Variants in PPARGC1B observed in about 807,000 individuals in gnomAD.
PPARGC1B encodes the protein peroxisome proliferator-activated receptor gamma coactivator 1-beta.
A neutral mutation model predicts 101.6 loss-of-function variants in PPARGC1B; 34 were observed. That is an observed-to-expected ratio of 0.33 (90% CI 0.25 to 0.45). The LOEUF (loss-of-function observed/expected upper bound fraction) is 0.45, where lower values mean the gene tolerates loss of function less well. PPARGC1B is among the 20% of genes least tolerant of loss of function. PPARGC1B has a pLI of 1.00. For synonymous variants in PPARGC1B, 548 were observed against 539.3 expected, an observed-to-expected ratio of 1.02 and a Z score of -0.22; for missense variants, 1,234 against 1,317.6, an observed-to-expected ratio of 0.94 and a Z score of 0.98.
chr5:149,851,035 T>C lies in PPARGC1B; in HGVS notation c.*3477T>C, dbSNP rs1343038250. The C allele has an allele frequency of 6.6e-6, 1 of 151,920 alleles. No individual in the cohort carries two copies. The highest frequency in any genetic ancestry group is 1.5e-5 in the Non-Finnish European group (1 of 67,978). The allele number at this position is 151,920 out of a possible 1,614,324, so 9.4% of individuals were successfully genotyped here. ...TTTGAGTCAAAAAGCACCCATAAGA[T>C]ACCTGCATCTGCCTTGAAATCTTGC... is the stretch of plus-strand genomic sequence containing the variant. On this transcript the variant is annotated 3_prime_UTR_variant, in exon 12 of 12. Coordinates refer to ENST00000309241, the MANE Select transcript of PPARGC1B (RefSeq NM_133263.4).
At chr5:149,739,949 G>T (rs1367316161) in intron 1 of PPARGC1B, 1 of 152,384 alleles carries the variant, frequency 6.6e-6, no homozygotes, top group African/African-American at 2.4e-5. Context: ...ACAGGCTCTT[G>T]GTGGCATCTG....
Position 149,807,347 on chromosome 5 carries a change from G to A in PPARGC1B, c.79-13086G>A, listed in dbSNP as rs527923794. On this transcript the variant is annotated intron_variant, in intron 1 of 11. Coordinates refer to ENST00000309241, the MANE Select transcript of PPARGC1B (RefSeq NM_133263.4). ...TCCCTAGGCACATCTGAATTTTGAG[G>A]AAATCCCACACAACATGGCAAGGAA... 4.6e-5 allele frequency among the ~76,000 whole-genome samples: 7 copies of A among 152,048 alleles called. No individual in the cohort carries two copies. In the South Asian group the frequency reaches 1.5e-3, roughly 32 times the overall value.
chr5:149,742,890 G>T (rs1754958788), intron 1 of PPARGC1B, among the ~76,000 whole-genome samples: 1 of 152,164 alleles, frequency 6.6e-6, no homozygotes, highest in Admixed American at 6.5e-5. Context: ...TCTTTGGTGT[G>T]GCTGGGGTGG....
rs990910854 is a variant in PPARGC1B, at chr5:149,854,365, G to T, written c.*6807G>T. On this transcript the variant is annotated 3_prime_UTR_variant, in exon 12 of 12. Coordinates refer to ENST00000309241, the MANE Select transcript of PPARGC1B (RefSeq NM_133263.4). ...TGTGTATCTGTGCACACATACACAC[G>T]TCTGTGCCTGTGTGTGTGTGTTTGT... 6.6e-6 allele frequency: 1 copy of T among 151,348 alleles called. No individual in the cohort carries two copies. The highest frequency in any genetic ancestry group is 1.5e-5 in the Non-Finnish European group (1 of 67,834). 9.4% of individuals were successfully genotyped at this position (151,348 alleles called of 1,614,324 possible).
Position 149,847,616 on chromosome 5 carries a change from G to T in PPARGC1B, c.*58G>T. 7.5e-7 allele frequency: 1 copy of T among 1,329,440 alleles called. No homozygotes were observed. The highest frequency in any genetic ancestry group is 1.1e-6 in the Non-Finnish European group (1 of 931,226). 82.4% of individuals were successfully genotyped at this position (1,329,440 alleles called of 1,614,324 possible). A position where few individuals can be genotyped will look rare whatever the true frequency, so the allele number is the denominator to read the frequency against. On this transcript the variant is annotated 3_prime_UTR_variant, in exon 12 of 12. Transcript: ENST00000309241. ...ACCTCAGACAAGGCCCTTCCAATAT[G>T]TTTACGTTTTCAAAGAAATCAAGTA... is the stretch of plus-strand genomic sequence containing the variant.
chr5:149,772,113 C>T, intron 1 of PPARGC1B: 3 of 1,593,054 alleles, frequency 1.9e-6, no homozygotes, highest in South Asian at 2.3e-5. Context: ...CCCCAGGACC[C>T]TTGGAGGAGC....
chr5:149,786,948 C>G (rs1242363703), intron 1 of PPARGC1B, among the ~76,000 whole-genome samples: 1 of 152,104 alleles, frequency 6.6e-6, no homozygotes, highest in Non-Finnish European at 1.5e-5. Flanking sequence ...GGCTGTGTTA[C>G]AGAAAGCCGA....
intron 1 of PPARGC1B, among the ~76,000 whole-genome samples, chr5:149,738,382 A>G (rs901406636): frequency 3.3e-5 from 5 of 152,192 alleles, no homozygotes; most frequent in African/African-American, 4.8e-5. Flanking sequence ...CATTTAATCA[A>G]TCCTCATTGA....
chr5:149,738,308 C>T (rs987142499), intron 1 of PPARGC1B, among the ~76,000 whole-genome samples: 12 of 152,130 alleles, frequency 7.9e-5, no homozygotes, highest in African/African-American at 2.7e-4. Context: ...CAAGGATTTT[C>T]GTTCATTTCA....
intron 1 of PPARGC1B, among the ~76,000 whole-genome samples, chr5:149,771,029 C>T (rs1312916799): frequency 6.6e-6 from 1 of 152,084 alleles, no homozygotes; most frequent in African/African-American, 2.4e-5. Flanking sequence ...TTTGAAGGCC[C>T]CTCATCATTA....
chr5:149,799,620 G>A (rs1350237697), intron 1 of PPARGC1B, among the ~76,000 whole-genome samples: 6 of 151,914 alleles, frequency 3.9e-5, no homozygotes, highest in Admixed American at 2.6e-4. Flanking sequence ...GAGAAGCTGG[G>A]GCATTCAGGG....
intron 1 of PPARGC1B, among the ~76,000 whole-genome samples, chr5:149,795,144 C>G (rs1757162667): frequency 6.6e-6 from 1 of 152,216 alleles, no homozygotes; most frequent in Admixed American, 6.5e-5. Flanking sequence ...ACCTATGCCT[C>G]CCTTGCAGCA....
At chr5:149,844,378 G>A (rs1341603240) in intron 10 of PPARGC1B, among the ~76,000 whole-genome samples, 1 of 152,226 alleles carries the variant, frequency 6.6e-6, no homozygotes, top group Non-Finnish European at 1.5e-5. Flanking sequence ...GTCCGGGCAT[G>A]GTGGCTCACG....
chr5:149,793,875 G>A (rs1237188001), intron 1 of PPARGC1B, among the ~76,000 whole-genome samples: 1 of 152,230 alleles, frequency 6.6e-6, no homozygotes, highest in Admixed American at 6.5e-5. Context: ...GCAGCACTGT[G>A]TCGGGGCAAA....
chr5:149,850,536 G>A lies in PPARGC1B; in HGVS notation c.*2978G>A, dbSNP rs1056676775. On this transcript the variant is annotated 3_prime_UTR_variant, in exon 12 of 12. Transcript: ENST00000309241. ...CGACCCTGCAGACAACCTCTATCCC[G>A]AAGGACTCATTCGGTGCTGTGTATT... 3.9e-5 allele frequency: 6 copies of A among 152,190 alleles called. No individual in the cohort carries two copies. The South Asian group carries it at 8.3e-4, about 21-fold the overall frequency. 9.4% of individuals were successfully genotyped at this position (152,190 alleles called of 1,614,324 possible). A position where few individuals can be genotyped will look rare whatever the true frequency, so the allele number is the denominator to read the frequency against.
chr5:149,814,370 C>A (rs189892426), intron 1 of PPARGC1B, among the ~76,000 whole-genome samples: 1 of 152,176 alleles, frequency 6.6e-6, no homozygotes, highest in Non-Finnish European at 1.5e-5. Context: ...GTGTTTCCCC[C>A]CTATGTGGAT....
Position 149,830,754 on chromosome 5 carries a change from G to A in PPARGC1B, c.466-13G>A, listed in dbSNP as rs770423520. On this transcript the variant is annotated splice_polypyrimidine_tract_variant and intron_variant, in intron 3 of 11. Coordinates refer to ENST00000309241, the MANE Select transcript of PPARGC1B (RefSeq NM_133263.4). ...CTCAGCCCCGGCTCCTGTCCTCTCT[G>A]CTTTTCCCTCAGCTGCAGAAGCTCC... is the stretch of plus-strand genomic sequence containing the variant. 1 of 1,604,516 alleles carries A rather than the reference G, an allele frequency of 6.2e-7. No individual in the cohort carries two copies. Among genetic ancestry groups the A allele is most frequent in the Non-Finnish European group, 8.5e-7 (1 of 1,171,322 alleles).
At chr5:149,795,504 C>T (rs527321729) in intron 1 of PPARGC1B, among the ~76,000 whole-genome samples, 1 of 152,318 alleles carries the variant, frequency 6.6e-6, no homozygotes, top group South Asian at 2.1e-4. Context: ...TTTCACAGCT[C>T]TGGAAACCTG....
In PPARGC1B at chr5:149,847,235, T is replaced by C. The variant is rs1759599849; in HGVS notation, c.2972-223T>C. ...GCTCTAGTTTGGGCCTCCAGGTCTC[T>C]AGATAGGACAGCCAAGGCCCTGAGA... is the stretch of plus-strand genomic sequence containing the variant. On this transcript the variant is annotated intron_variant, in intron 11 of 11. Transcript: ENST00000309241. The C allele has an allele frequency of 1.2e-5, 8 of 676,550 alleles. 1 individual carries two copies. Among genetic ancestry groups the C allele is most frequent in the South Asian group, 9.6e-5 (6 of 62,672 alleles). 41.9% of individuals were successfully genotyped at this position (676,550 alleles called of 1,614,324 possible).
Sources: allele counts gnomAD v4.1 joint callset (sites outside exome capture counted in the v4.1 genomes callset), GRCh38; gene constraint gnomAD v4.1.1; transcripts MANE v1.5; gene names NCBI Gene and HGNC (gene_info 2026-07-23, HGNC 2026-07-21).